Variants in RWDD3 observed in about 807,000 individuals in gnomAD.
RWDD3 encodes the protein RWD domain-containing protein 3.
RWDD3 carries 30 observed loss-of-function variants against 26.5 expected under a neutral mutation model. The ratio of observed to expected loss-of-function variants is 1.13; its 90% CI spans 0.85 to 1.54. RWDD3 has a LOEUF of 1.54. Among genes scored for constraint, RWDD3 ranks in the 40% most tolerant of loss-of-function variants. RWDD3 has a pLI of 0.00. For missense variants in RWDD3, 296 were observed against 309.1 expected, an observed-to-expected ratio of 0.96 and a Z score of 0.32; for synonymous variants, 113 against 114.5, an observed-to-expected ratio of 0.99 and a Z score of 0.09.
chr1:95,238,800 A>C (rs768506029), intron 1 of RWDD3, among the ~76,000 whole-genome samples: 17 of 152,154 alleles, frequency 1.1e-4, no homozygotes, highest in Non-Finnish European at 2.1e-4. Context: ...ATTAAGTAGA[A>C]TGAAACCTTA....
At chr1:95,235,867 TA>T (rs71097257) in intron 1 of RWDD3, among the ~76,000 whole-genome samples, 15 of 148,540 alleles carry the variant, frequency 1.0e-4, no homozygotes, top group Admixed American at 3.3e-4. Context: ...TTCTATTGAA[TA>T]AAAAAAAAAG....
chr1:95,236,087 A>G (rs150332688), intron 1 of RWDD3, among the ~76,000 whole-genome samples: 3,018 of 152,280 alleles, frequency 0.02, 115 homozygotes, highest in African/African-American at 0.069. Context: ...GCACTTTGGG[A>G]GGCCGAGGCG....
intron 1 of RWDD3, among the ~76,000 whole-genome samples, chr1:95,235,631 T>C (rs1680307613): frequency 6.6e-6 from 1 of 152,104 alleles, no homozygotes; most frequent in South Asian, 2.1e-4. Context: ...GTGCTGGGAT[T>C]ACAGGCGTGA....
chr1:95,242,192 T>C (rs972517519), intron 1 of RWDD3, among the ~76,000 whole-genome samples: 22 of 152,238 alleles, frequency 1.4e-4, no homozygotes, highest in African/African-American at 5.1e-4. Context: ...CAGACATTTA[T>C]GTTTATATAA....
chr1:95,244,968 A>G, intron 2 of RWDD3: 1 of 370,034 alleles, frequency 2.7e-6, no homozygotes, highest in East Asian at 4.9e-5. Context: ...TCTGTGGCAC[A>G]TGAGTGTTTG....
chr1:95,240,008 G>A, intron 1 of RWDD3: 1 of 1,097,108 alleles, frequency 9.1e-7, no homozygotes, highest in Non-Finnish European at 1.2e-6. Context: ...TCTTGCTTCA[G>A]TGCGGATACA....
chr1:95,234,406 C>G, intron 1 of RWDD3, 91 bp downstream of exon 1: 1 of 1,176,204 alleles, frequency 8.5e-7, no homozygotes, highest in Non-Finnish European at 1.2e-6. Context: ...CCTGGGCACC[C>G]CGCCTGGGCC....
Position 95,244,446 on chromosome 1 carries a change from T to G in RWDD3, c.321T>G (p.Ile107Met). 1 of 1,614,228 alleles carries G rather than the reference T, an allele frequency of 6.2e-7. No individual in the cohort carries two copies. Among genetic ancestry groups the G allele is most frequent in the Non-Finnish European group, 8.5e-7 (1 of 1,180,032 alleles). The change falls in exon 2 of 4, where the codon ATT becomes ATG. Residue 107 changes from isoleucine to methionine, a missense_variant. By Grantham distance (10) the Ile-to-Met change is conservative (BLOSUM62 1). Transcript: ENST00000370202. ...TGGTTCATGAGCTGGTTCTCTGGATTCAGCAGAATCTCAGGCATATCCTCA... is the reference window on the plus strand; with the variant it reads ...TGGTTCATGAGCTGGTTCTCTGGATGCAGCAGAATCTCAGGCATATCCTCA... ...EPMVHELVLWIQQNLRHILSQ... is the reference protein window; with the variant it reads ...EPMVHELVLWMQQNLRHILSQ...
intron 3 of RWDD3, 41 bp downstream of exon 3, chr1:95,246,698 C>T (rs576948307): frequency 2.1e-5 from 32 of 1,537,320 alleles, no homozygotes; most frequent in Non-Finnish European, 2.8e-5. Flanking sequence ...GCAACTGAAT[C>T]GATAATTATA....
chr1:95,242,945 TAGA>T (rs1680697266), intron 1 of RWDD3, among the ~76,000 whole-genome samples: 1 of 151,892 alleles, frequency 6.6e-6, no homozygotes, highest in Admixed American at 6.6e-5. Flanking sequence ...AGTAACTAGA[TAGA>T]AGAAGAAGGG....
At chr1:95,235,000 A>G (rs1282547167) in intron 1 of RWDD3, among the ~76,000 whole-genome samples, 1 of 151,570 alleles carries the variant, frequency 6.6e-6, no homozygotes, top group African/African-American at 2.4e-5. Context: ...AGCTGGGATC[A>G]CAGGCGCGTG....
At chr1:95,239,850 T>A in intron 1 of RWDD3, 1 of 1,289,774 alleles carries the variant, frequency 7.8e-7, no homozygotes, top group Non-Finnish European at 1.0e-6. Flanking sequence ...TTTTCAAGAC[T>A]TTCCCCCTGG....
rs1233154158 is a variant in RWDD3 at position 95,246,597 on chromosome 1, A to C, written c.629A>C (p.Lys210Thr). The stretch of plus-strand genomic sequence containing the variant: ...GTAGATGTGGACTCAAGTGGAAAGA[A>C]ATGCAAAGAGAAAATGATTAGTGTA... ...SKVDVDSSGK[K>T]CKEKMISVLF... The change falls in exon 3 of 4, where the codon AAA becomes ACA. Residue 210 changes from lysine (K) to threonine (T), a missense_variant. By Grantham distance (78) the Lys-to-Thr change is moderately conservative. Coordinates refer to ENST00000370202, the MANE Select transcript of RWDD3 (RefSeq NM_015485.5). The C allele has an allele frequency of 1.9e-6, 3 of 1,612,976 alleles. No homozygotes were observed. Among genetic ancestry groups the C allele is most frequent in the African/African-American group, 2.7e-5 (2 of 74,892 alleles).
rs1680792504 is a variant in RWDD3, at chr1:95,244,947, T to A, written c.573+249T>A. 7 of 438,150 alleles carry A rather than the reference T, an allele frequency of 1.6e-5. No homozygotes were observed. The South Asian group carries it at 2.5e-4, about 16-fold the overall frequency. 27.1% of individuals were successfully genotyped at this position (438,150 alleles called of 1,614,324 possible). On this transcript the variant is annotated intron_variant, in intron 2 of 3. Coordinates refer to ENST00000370202, the MANE Select transcript of RWDD3 (RefSeq NM_015485.5). ...CATGTCACTTAATAAAGTGACAGGT[T>A]ATTTAAAAGCTCTGTGGCACATGAG... is the stretch of plus-strand genomic sequence containing the variant.
chr1:95,244,723 A>G (rs1364840445), intron 2 of RWDD3, 25 bp downstream of exon 2: 7 of 1,601,432 alleles, frequency 4.4e-6, no homozygotes, highest in East Asian at 2.2e-5. Context: ...AATGTTGAGT[A>G]TGAATCTGGC....
intron 1 of RWDD3, among the ~76,000 whole-genome samples, chr1:95,238,974 C>A (rs1680489309): frequency 6.6e-6 from 1 of 152,130 alleles, no homozygotes; most frequent in African/African-American, 2.4e-5. Context: ...GATACACTTA[C>A]TATAAGACAG....
intron 1 of RWDD3, among the ~76,000 whole-genome samples, chr1:95,234,857 A>G (rs1018819946): frequency 6.6e-6 from 1 of 151,018 alleles, no homozygotes; most frequent in Non-Finnish European, 1.5e-5. Context: ...CTCAACCTCA[A>G]CTTTATCTGC....
At position 95,244,685 on chromosome 1, in the gene RWDD3, G is replaced by C. The variant is rs369393481; in HGVS notation, c.560G>C (p.Arg187Thr). The C allele has an allele frequency of 3.1e-6, 5 of 1,612,796 alleles. No homozygotes were observed. The African/African-American group carries it at 6.7e-5, about 22-fold the overall frequency. The part of the protein sequence containing the change: ...KIILILLQGD[R>T]NNLKEYLILQ... ...ATACTGATTTTACTACAGGGAGACA[G>C]AAACAACCTCAAGGTGCCAAAAAGT... Residue 187 changes from arginine to threonine, a missense_variant, in exon 2 of 4, where the codon AGA becomes ACA. By Grantham distance (71) the Arg-to-Thr change is moderately conservative. Coordinates refer to ENST00000370202, the MANE Select transcript of RWDD3 (RefSeq NM_015485.5).
chr1:95,246,641 C>T lies in RWDD3; in HGVS notation c.673C>T (p.Gln225Ter). 1.2e-6 allele frequency: 2 copies of T among 1,606,476 alleles called. No homozygotes were observed. Among genetic ancestry groups the T allele is most frequent in the Non-Finnish European group, 1.7e-6 (2 of 1,174,390 alleles). ...MISVLFETKV[Q>*]TEHKRFLAFE... ...TAGTGTACTGTTTGAAACAAAAGTACAGACAGAACACAAAAGGTATAATTT... is the reference window on the plus strand; with the variant it reads ...TAGTGTACTGTTTGAAACAAAAGTATAGACAGAACACAAAAGGTATAATTT... Residue 225 changes from glutamine to a stop codon, truncating the protein, a stop_gained, in exon 3 of 4, where the codon CAG becomes TAG. Transcript: ENST00000370202. LOFTEE classifies it high-confidence loss of function.
Sources: gnomAD v4.1 joint callset for allele counts (sites outside exome capture counted in the v4.1 genomes callset) on GRCh38, gnomAD v4.1.1 for gene constraint, MANE v1.5 for transcripts, NCBI Gene and HGNC (gene_info 2026-07-23, HGNC 2026-07-21) for gene names.